KCNMB2: variants seen among roughly 807,000 people sequenced by gnomAD.
KCNMB2 encodes calcium-activated potassium channel subunit beta-2.
A neutral mutation model predicts 24.5 loss-of-function variants in KCNMB2; 9 were observed. The ratio of observed to expected loss-of-function variants is 0.37; its 90% CI spans 0.22 to 0.64. KCNMB2 has a LOEUF of 0.64. KCNMB2 is among the 30% of genes least tolerant of loss of function. KCNMB2 has a pLI of 0.63. For synonymous variants in KCNMB2, 109 were observed against 104.4 expected, an observed-to-expected ratio of 1.04 and a Z score of -0.27; for missense variants, 226 against 284.3, an observed-to-expected ratio of 0.79 and a Z score of 1.47.
At chr3:178,763,576 C>T (rs556115088) in intron 1 of KCNMB2, among the ~76,000 whole-genome samples, 4 of 152,258 alleles carry the variant, frequency 2.6e-5, no homozygotes, top group African/African-American at 9.6e-5. Context: ...CAGGTGAATG[C>T]TGTTGACCAG....
chr3:178,737,245 GGTGACAGA>G (rs1723348795), intron 1 of KCNMB2, among the ~76,000 whole-genome samples: 1 of 152,024 alleles, frequency 6.6e-6, no homozygotes, highest in Admixed American at 6.6e-5. Context: ...CTCCAGCCTG[GGTGACAGA>G]GTGAGATTCT....
At position 178,730,852 on chromosome 3, in the gene KCNMB2, T is replaced by C. The variant is rs1248705755; in HGVS notation, c.-67-76491T>C. Among the ~76,000 whole-genome samples the C allele has an allele frequency of 2.6e-5, 4 of 152,132 alleles. No individual in the cohort carries two copies. The East Asian group carries it at 7.7e-4, about 29-fold the overall frequency. ...ACCTCCTTGTCATTCAGGCCTTATA[T>C]CAATGCACCATCTGCAGGGAGGCTG... On this transcript the variant is annotated intron_variant, in intron 1 of 4. Coordinates refer to ENST00000452583, the MANE Select transcript of KCNMB2 (RefSeq NM_181361.3).
chr3:178,764,497 T>C (rs762362129), intron 1 of KCNMB2, among the ~76,000 whole-genome samples: 17 of 152,204 alleles, frequency 1.1e-4, no homozygotes, highest in Non-Finnish European at 1.5e-4. Context: ...CTAGGAGCAA[T>C]AGGCTACACT....
chr3:178,733,650 T>G (rs1030618831), intron 1 of KCNMB2, among the ~76,000 whole-genome samples: 5 of 151,898 alleles, frequency 3.3e-5, no homozygotes, highest in African/African-American at 1.2e-4. Flanking sequence ...CCAGTTGACT[T>G]TTGTATTTTT....
chr3:178,617,295 A>G (rs1409599036), intron 1 of KCNMB2, among the ~76,000 whole-genome samples: 2 of 152,026 alleles, frequency 1.3e-5, no homozygotes, highest in African/African-American at 4.8e-5. Flanking sequence ...GTGGTGGCTC[A>G]CGCCTGTAAT....
chr3:178,779,801 G>A (rs1374677330), intron 1 of KCNMB2, among the ~76,000 whole-genome samples: 1 of 152,000 alleles, frequency 6.6e-6, no homozygotes, highest in East Asian at 1.9e-4. Flanking sequence ...TCATGATCAA[G>A]GTCTCAGTAC....
chr3:178,720,983 A>G (rs1460656188), intron 1 of KCNMB2, among the ~76,000 whole-genome samples: 1 of 151,666 alleles, frequency 6.6e-6, no homozygotes, highest in African/African-American at 2.4e-5. Flanking sequence ...GTTTAATTAG[A>G]TCCCATTTGT....
intron 1 of KCNMB2, among the ~76,000 whole-genome samples, chr3:178,797,372 C>T (rs1467075194): frequency 6.6e-6 from 1 of 152,098 alleles, no homozygotes; most frequent in Non-Finnish European, 1.5e-5. Context: ...GGAACACTTC[C>T]AAACTCTGTC....
Position 178,704,486 on chromosome 3 carries a change from A to G in KCNMB2, c.-67-102857A>G, listed in dbSNP as rs182032966. Among the ~76,000 whole-genome samples the G allele has an allele frequency of 2.1e-4, 32 of 152,294 alleles. 1 individual carries two copies. The highest frequency in any genetic ancestry group is 5.3e-4 in the African/African-American group (22 of 41,566). ...ATTCCATATTCCTGTCTCACTAGCC[A>G]TATTTCAAGTGTTCCATTGTCATAT... On this transcript the variant is annotated intron_variant, in intron 1 of 4. Coordinates refer to ENST00000452583, the MANE Select transcript of KCNMB2 (RefSeq NM_181361.3).
At chr3:178,689,212 A>T (rs1454281158) in intron 1 of KCNMB2, among the ~76,000 whole-genome samples, 1 of 152,194 alleles carries the variant, frequency 6.6e-6, no homozygotes, top group African/African-American at 2.4e-5. Context: ...ATGTACATTG[A>T]CTTGATAATG....
In KCNMB2 at chr3:178,703,106, G is replaced by T. The variant is rs544290674; in HGVS notation, c.-67-104237G>T. Among the ~76,000 whole-genome samples the T allele has an allele frequency of 9.9e-5, 15 of 152,218 alleles. No homozygotes were observed. In the South Asian group the frequency reaches 2.9e-3, roughly 29 times the overall value. ...GATGATTAATATTAACAGGAAAAAA[G>T]GGAAAGAGAATCAGTAAATAAACAA... On this transcript the variant is annotated intron_variant, in intron 1 of 4. Coordinates refer to ENST00000452583, the MANE Select transcript of KCNMB2 (RefSeq NM_181361.3).
intron 1 of KCNMB2, among the ~76,000 whole-genome samples, chr3:178,681,271 T>TAACA (rs63496362): frequency 2.2e-4 from 3 of 13,536 alleles, no homozygotes; most frequent in African/African-American, 2.0e-3. Context: ...CCAAATAGTA[T>TAACA]AACAATACCA....
At chr3:178,639,317 G>A (rs1019816822) in intron 1 of KCNMB2, among the ~76,000 whole-genome samples, 5 of 152,022 alleles carry the variant, frequency 3.3e-5, no homozygotes, top group Non-Finnish European at 7.4e-5. Context: ...AATTATCCAA[G>A]GTTAAACAGC....
chr3:178,632,263 A>T (rs1719347008), intron 1 of KCNMB2, among the ~76,000 whole-genome samples: 1 of 152,222 alleles, frequency 6.6e-6, no homozygotes, highest in East Asian at 1.9e-4. Context: ...AGGAAAAATG[A>T]TAGTACACAC....
intron 1 of KCNMB2, among the ~76,000 whole-genome samples, chr3:178,616,848 T>C (rs1718724106): frequency 6.6e-6 from 1 of 152,152 alleles, no homozygotes; most frequent in African/African-American, 2.4e-5. Context: ...TACCAAATCA[T>C]TTGTAAAAAT....
At chr3:178,576,725 C>T (rs930008329) in intron 1 of KCNMB2, among the ~76,000 whole-genome samples, 1 of 152,148 alleles carries the variant, frequency 6.6e-6, no homozygotes, top group African/African-American at 2.4e-5. Context: ...CAAAGCCACC[C>T]GGAAGTTCAA....
intron 1 of KCNMB2, among the ~76,000 whole-genome samples, chr3:178,776,386 C>T (rs940539167): frequency 6.6e-6 from 1 of 152,120 alleles, no homozygotes; most frequent in Non-Finnish European, 1.5e-5. Context: ...TCACCCCTAC[C>T]CTTGGTTGGA....
At chr3:178,710,875 A>AT (rs1237783368) in intron 1 of KCNMB2, among the ~76,000 whole-genome samples, 5 of 152,002 alleles carry the variant, frequency 3.3e-5, no homozygotes, top group African/African-American at 9.7e-5. Context: ...TGTTACATCC[A>AT]TTATGCATTC....
chr3:178,798,837 T>G (rs570856362), intron 1 of KCNMB2, among the ~76,000 whole-genome samples: 122 of 151,930 alleles, frequency 8.0e-4, no homozygotes, highest in Non-Finnish European at 1.4e-3. Context: ...CATGTTTACT[T>G]ATGTAACAAA....
Sources: gnomAD v4.1 joint callset for allele counts (sites outside exome capture counted in the v4.1 genomes callset) on GRCh38, gnomAD v4.1.1 for gene constraint, MANE v1.5 for transcripts, NCBI Gene and HGNC (gene_info 2026-07-23, HGNC 2026-07-21) for gene names.